PIWIL2: variants seen among roughly 807,000 people sequenced by gnomAD.
The protein encoded by PIWIL2 is piwi like RNA-mediated gene silencing 2, also known as piwi-like protein 2.
PIWIL2 carries 81 observed loss-of-function variants against 116.5 expected under a neutral mutation model. The observed-to-expected ratio is 0.70, with a 90% confidence interval of 0.58 to 0.84. PIWIL2 has a LOEUF of 0.84. PIWIL2 is among the 40% of genes least tolerant of loss of function. The pLI is 0.00. For missense variants in PIWIL2, 1,272 were observed against 1,212.3 expected (o/e 1.05, Z -0.73); for synonymous variants, 489 against 429.5 (o/e 1.14, Z -1.71).
chr8:22,276,711 G>A (rs566826455), intron 1 of PIWIL2, among the ~76,000 whole-genome samples: 28 of 152,198 alleles, frequency 1.8e-4, no homozygotes, highest in African/African-American at 6.3e-4. Context: ...GACCAGCCTG[G>A]GCAACATGGC....
chr8:22,281,306 T>A (rs571730799), intron 3 of PIWIL2, 71 bp from the exon 4 acceptor site: 415 of 1,246,724 alleles, frequency 3.3e-4, no homozygotes, highest in East Asian at 2.0e-3. Context: ...GTGCTTTTTT[T>A]AAAAAAAAAA....
intron 19 of PIWIL2, 94 bp from the exon 20 acceptor site, chr8:22,318,076 G>GACATA: frequency 1.4e-6 from 1 of 717,048 alleles, no homozygotes; most frequent in Non-Finnish European, 2.4e-6. Context: ...TTGATTGGTA[G>GACATA]AGAAACCTGT....
At chr8:22,341,149 A>G (rs1368693645) in intron 20 of PIWIL2, among the ~76,000 whole-genome samples, 1 of 152,150 alleles carries the variant, frequency 6.6e-6, no homozygotes, top group Admixed American at 6.6e-5. Flanking sequence ...AACTAGTGAA[A>G]CAACCAAGTG....
At chr8:22,288,155 G>A (rs190491936) in intron 7 of PIWIL2, among the ~76,000 whole-genome samples, 8 of 152,234 alleles carry the variant, frequency 5.3e-5, no homozygotes, top group African/African-American at 1.7e-4. Context: ...AAAATTAGCT[G>A]GGCATGGTGG....
intron 20 of PIWIL2, chr8:22,322,054 G>T (rs1490855116): frequency 1.1e-6 from 1 of 906,758 alleles, no homozygotes; most frequent in Non-Finnish European, 1.3e-6. Context: ...TTTTATTTTG[G>T]AATAAAAGTT....
chr8:22,290,436 TCTGTTTGTTTGTTTTTTCCCCCAG>T, intron 10 of PIWIL2, 90 bp downstream of exon 10: 1 of 712,698 alleles, frequency 1.4e-6, no homozygotes, highest in Non-Finnish European at 2.5e-6. Context: ...TAGACATTGT[TCTGTTTGTTTGTTTTTTCCCCCAG>T]AGACAGGGTC....
chr8:22,279,126 G>T (rs1830442473), intron 1 of PIWIL2, among the ~76,000 whole-genome samples: 2 of 152,108 alleles, frequency 1.3e-5, no homozygotes, highest in South Asian at 4.1e-4. Context: ...ACCAGTCTCT[G>T]GTGCCAAAAA....
chr8:22,326,278 T>A (rs754278123), intron 20 of PIWIL2, among the ~76,000 whole-genome samples: 1 of 151,960 alleles, frequency 6.6e-6, no homozygotes, highest in Admixed American at 6.6e-5. Context: ...CCCAGCACTT[T>A]GGGAGGCCAA....
At chr8:22,298,680 C>T (rs141445441) in intron 10 of PIWIL2, among the ~76,000 whole-genome samples, 96 of 152,264 alleles carry the variant, frequency 6.3e-4, no homozygotes, top group East Asian at 1.5e-3. Flanking sequence ...ATGGTGAGAC[C>T]TCTGTTCTAT....
chr8:22,287,884 G>A (rs924675962), intron 7 of PIWIL2, among the ~76,000 whole-genome samples: 4 of 152,116 alleles, frequency 2.6e-5, no homozygotes, highest in Non-Finnish European at 4.4e-5. Flanking sequence ...TTCATAGAGG[G>A]GAAGACAGAT....
At chr8:22,288,447 T>C (rs534488404) in intron 7 of PIWIL2, 95 bp from the exon 8 acceptor site, 10 of 901,902 alleles carry the variant, frequency 1.1e-5, no homozygotes, top group South Asian at 4.3e-5. Flanking sequence ...TAAGATACTT[T>C]AGTGTTCTTA....
intron 20 of PIWIL2, among the ~76,000 whole-genome samples, chr8:22,351,160 T>A (rs76503072): frequency 0.083 from 12,476 of 150,430 alleles, 1,695 homozygotes; most frequent in African/African-American, 0.29. Context: ...CAAAAAAAAA[T>A]AATTAATTAA....
chr8:22,283,011 T>G (rs953207163), intron 4 of PIWIL2, 23 bp from the exon 5 acceptor site: 5 of 1,590,488 alleles, frequency 3.1e-6, no homozygotes, highest in African/African-American at 2.7e-5. Context: ...AAACCCTGAT[T>G]TGCCTCTCTC....
chr8:22,289,417 C>G (rs900378790), intron 8 of PIWIL2, among the ~76,000 whole-genome samples: 1 of 152,170 alleles, frequency 6.6e-6, no homozygotes, highest in Non-Finnish European at 1.5e-5. Flanking sequence ...TCCCAAAGTG[C>G]TGGGATTAGA....
At chr8:22,327,431 G>A (rs1325063740) in intron 20 of PIWIL2, among the ~76,000 whole-genome samples, 5 of 149,184 alleles carry the variant, frequency 3.4e-5, no homozygotes, top group Non-Finnish European at 1.5e-5. Flanking sequence ...GCAATGGCGC[G>A]ATCTTGACTC....
intron 20 of PIWIL2, among the ~76,000 whole-genome samples, chr8:22,325,330 G>A (rs2132070462): frequency 6.6e-6 from 1 of 152,168 alleles, no homozygotes; most frequent in African/African-American, 2.4e-5. Flanking sequence ...CAGCCCTTCA[G>A]GTTTTCCTTT....
chr8:22,309,941 A>G lies in PIWIL2; in HGVS notation c.1687-20A>G, dbSNP rs886414945. 3 of 1,417,362 alleles carry G rather than the reference A, an allele frequency of 2.1e-6. No individual in the cohort carries two copies. The highest frequency in any genetic ancestry group is 3.0e-6 in the Non-Finnish European group (3 of 1,001,340). 87.8% of individuals were successfully genotyped at this position (1,417,362 alleles called of 1,614,324 possible). Reference sequence around the variant, plus strand: ...GCGTTTGAAAAGGCTCATGTCATAGATGGTTTATTTTCTGTTTAGATTGAA... The same window carrying G: ...GCGTTTGAAAAGGCTCATGTCATAGGTGGTTTATTTTCTGTTTAGATTGAA... On this transcript the variant is annotated intron_variant, in intron 14 of 22. Transcript: ENST00000356766.
chr8:22,288,090 A>C (rs926167867), intron 7 of PIWIL2, among the ~76,000 whole-genome samples: 2 of 152,164 alleles, frequency 1.3e-5, no homozygotes, highest in African/African-American at 4.8e-5. Flanking sequence ...CGAGGTCACG[A>C]GATTGAGACC....
intron 15 of PIWIL2, among the ~76,000 whole-genome samples, chr8:22,310,714 C>T (rs190598357): frequency 6.6e-6 from 1 of 152,242 alleles, no homozygotes; most frequent in Admixed American, 6.5e-5. Flanking sequence ...TCTCCCAGTT[C>T]CTGCCTATCC....
Sources: gnomAD v4.1 joint callset for allele counts (sites outside exome capture counted in the v4.1 genomes callset) on GRCh38, gnomAD v4.1.1 for gene constraint, MANE v1.5 for transcripts, NCBI Gene and HGNC (gene_info 2026-07-23, HGNC 2026-07-21) for gene names.